Variants in DCLK1 observed in about 807,000 individuals in gnomAD.
The protein encoded by DCLK1 is doublecortin like kinase 1.
A neutral mutation model predicts 86.2 loss-of-function variants in DCLK1; 16 were observed. That is an observed-to-expected ratio of 0.19 (90% CI 0.13 to 0.28). DCLK1 has a LOEUF of 0.28. DCLK1 is among the 10% of genes least tolerant of loss of function. The pLI is 1.00. For synonymous variants in DCLK1, 369 were observed against 370.5 expected (o/e 1.00, Z 0.05); for missense variants, 590 against 940.2 (o/e 0.63, Z 4.87).
intron 16 of DCLK1, chr13:35,788,176 T>C (rs1278072013): frequency 4.4e-6 from 7 of 1,606,538 alleles, no homozygotes; most frequent in East Asian, 2.2e-5. Flanking sequence ...CACGTTGCCA[T>C]GGAAACACTG....
chr13:35,890,896 T>G (rs1306541387), intron 4 of DCLK1, among the ~76,000 whole-genome samples: 2 of 151,900 alleles, frequency 1.3e-5, no homozygotes, highest in Non-Finnish European at 2.9e-5. Flanking sequence ...TTTTTCACCT[T>G]TATTGATTAG....
intron 6 of DCLK1, chr13:35,846,309 G>T (rs1308320826): frequency 3.0e-6 from 3 of 985,040 alleles, no homozygotes; most frequent in Admixed American, 1.2e-4. Flanking sequence ...TCAATTCCTT[G>T]CTTACTGATG....
intron 3 of DCLK1, among the ~76,000 whole-genome samples, chr13:36,065,044 T>A (rs1883698453): frequency 1.3e-5 from 2 of 152,208 alleles, no homozygotes; most frequent in Admixed American, 6.5e-5. Flanking sequence ...ACTGCAGATA[T>A]TTGAGAATAG....
chr13:36,112,017 C>G lies in DCLK1; in HGVS notation c.575G>C (p.Arg192Thr). The G allele has an allele frequency of 6.2e-7, 1 of 1,614,212 alleles. No homozygotes were observed. The highest frequency in any genetic ancestry group is 8.5e-7 in the Non-Finnish European group (1 of 1,180,044). ...FIRPKLVTII[R>T]SGVKPRKAVR... ...AGCTTTCCGTGGCTTCACGCCACTT[C>G]TGATGATGGTGACCAGCTTGGGCCG... is the stretch of plus-strand genomic sequence containing the variant. Residue 192 changes from arginine (R) to threonine (T), a missense_variant, in exon 3 of 17, where the codon AGA becomes ACA. This residue lies in a region of DCLK1 where 195 missense variants were observed against 365.1 expected (regional missense o/e 0.53). Transcript: ENST00000360631.
At chr13:35,922,412 T>C (rs556088817) in intron 4 of DCLK1, among the ~76,000 whole-genome samples, 1 of 152,316 alleles carries the variant, frequency 6.6e-6, no homozygotes, top group African/African-American at 2.4e-5. Context: ...GAGCTACGCA[T>C]GCAGCAGATG....
chr13:36,120,474 T>C (rs1033792220), intron 2 of DCLK1, among the ~76,000 whole-genome samples: 5 of 152,150 alleles, frequency 3.3e-5, no homozygotes, highest in Non-Finnish European at 7.4e-5. Flanking sequence ...CAATAGGCTA[T>C]ACCATATAGC....
At chr13:35,938,864 G>A (rs1876919715) in intron 4 of DCLK1, among the ~76,000 whole-genome samples, 1 of 152,026 alleles carries the variant, frequency 6.6e-6, no homozygotes, top group South Asian at 2.1e-4. Context: ...CACTGTTACT[G>A]AATACAATAA....
chr13:36,004,616 CAGTCTCGCTCTGTTGCCCAGGCTGG>C (rs1455923714), intron 3 of DCLK1, among the ~76,000 whole-genome samples: 1 of 152,084 alleles, frequency 6.6e-6, no homozygotes, highest in African/African-American at 2.4e-5. Context: ...TTTTTTGATA[CAGTCTCGCTCTGTTGCCCAGGCTGG>C]AGTGCAGTGG....
At chr13:36,045,372 A>ATATATT (rs1882868580) in intron 3 of DCLK1, among the ~76,000 whole-genome samples, 2 of 129,750 alleles carry the variant, frequency 1.5e-5, no homozygotes, top group Non-Finnish European at 3.2e-5. Context: ...ATATATATAT[A>ATATATT]TATATTTCAA....
In DCLK1 at chr13:35,770,225, A is replaced by T. The variant is rs922363349; in HGVS notation, c.*4310T>A. The stretch of plus-strand genomic sequence containing the variant: ...ATTTGTTACCGTTTCATGTGTAAGC[A>T]CCATTGAACCAATTTTTAAAGCACA... On this transcript the variant is annotated 3_prime_UTR_variant, in exon 17 of 17. Transcript: ENST00000360631. 2.0e-5 allele frequency: 3 copies of T among 152,344 alleles called. No individual in the cohort carries two copies. Among genetic ancestry groups the T allele is most frequent in the Non-Finnish European group, 2.9e-5 (2 of 68,034 alleles). The allele number at this position is 152,344 out of a possible 1,614,324, so 9.4% of individuals were successfully genotyped here. A position where few individuals can be genotyped will look rare whatever the true frequency, so the allele number is the denominator to read the frequency against.
intron 3 of DCLK1, among the ~76,000 whole-genome samples, chr13:36,110,862 G>A (rs983071576): frequency 1.1e-5 from 1 of 90,548 alleles, no homozygotes. Flanking sequence ...ACGGAATCTT[G>A]TTCTGTCACC....
At position 35,906,758 on chromosome 13, in the gene DCLK1, G is replaced by A. The variant is rs573847702; in HGVS notation, c.824-35418C>T. 1.3e-4 allele frequency among the ~76,000 whole-genome samples: 20 copies of A among 152,296 alleles called. No homozygotes were observed. The South Asian group carries it at 1.7e-3, about 13-fold the overall frequency. On this transcript the variant is annotated intron_variant, in intron 4 of 16. Coordinates refer to ENST00000360631, the MANE Select transcript of DCLK1 (RefSeq NM_001330071.2). ...TTAGCAATACAATGACATGGCCAGG[G>A]TGAGTTGTAGGACACCTTGGTTTGG... is the stretch of plus-strand genomic sequence containing the variant.
intron 3 of DCLK1, among the ~76,000 whole-genome samples, chr13:35,959,522 G>C (rs1321892846): frequency 6.6e-6 from 1 of 152,154 alleles, no homozygotes; most frequent in African/African-American, 2.4e-5. Context: ...TTCTGTGAGA[G>C]AGTGAAATCA....
At chr13:35,924,919 A>G (rs1876026208) in intron 4 of DCLK1, among the ~76,000 whole-genome samples, 1 of 152,222 alleles carries the variant, frequency 6.6e-6, no homozygotes, top group South Asian at 2.1e-4. Flanking sequence ...GGCTGCTTTC[A>G]CATGAGAATA....
intron 3 of DCLK1, among the ~76,000 whole-genome samples, chr13:35,997,587 T>C (rs568750225): frequency 1.3e-5 from 2 of 152,344 alleles, no homozygotes; most frequent in South Asian, 4.1e-4. Context: ...CCTGATTAGT[T>C]CAGTCCTAAC....
At chr13:35,863,026 G>A (rs1253892824) in intron 5 of DCLK1, among the ~76,000 whole-genome samples, 6 of 152,174 alleles carry the variant, frequency 3.9e-5, no homozygotes, top group Non-Finnish European at 7.4e-5. Context: ...CTGTTGAGAT[G>A]TGCAAATGCT....
intron 3 of DCLK1, among the ~76,000 whole-genome samples, chr13:36,037,008 G>GA (rs1882527547): frequency 6.6e-6 from 1 of 151,932 alleles, no homozygotes; most frequent in Admixed American, 6.6e-5. Context: ...TGAATGGATA[G>GA]AAAAATGTGA....
intron 15 of DCLK1, among the ~76,000 whole-genome samples, chr13:35,801,750 T>G (rs2086924683): frequency 6.6e-6 from 1 of 152,130 alleles, no homozygotes; most frequent in African/African-American, 2.4e-5. Context: ...AGCAACCTGT[T>G]TTTTCACTGG....
At chr13:35,852,964 C>G (rs913593413) in intron 6 of DCLK1, among the ~76,000 whole-genome samples, 1 of 152,198 alleles carries the variant, frequency 6.6e-6, no homozygotes, top group African/African-American at 2.4e-5. Context: ...CCAAAGCATA[C>G]ACTCTAAGAG....
Sources: gnomAD v4.1 joint callset for allele counts (sites outside exome capture counted in the v4.1 genomes callset) on GRCh38, gnomAD v4.1.1 for gene constraint, gnomAD v4.1.1 regional missense constraint, MANE v1.5 for transcripts, NCBI Gene and HGNC (gene_info 2026-07-23, HGNC 2026-07-21) for gene names.